The following CECR2 variants were observed in gnomAD, a reference collection of about 807,000 sequenced individuals.
CECR2 encodes the protein CECR2 histone acetyl-lysine reader, also known as chromatin remodeling regulator CECR2.
CECR2 carries 30 observed loss-of-function variants against 154.5 expected under a neutral mutation model. The ratio of observed to expected loss-of-function variants is 0.19; its 90% CI spans 0.15 to 0.26. The LOEUF (loss-of-function observed/expected upper bound fraction) is 0.26. Among genes scored for constraint, CECR2 ranks in the 10% least tolerant of loss-of-function variants. The probability of loss-of-function intolerance (pLI) is 1.00; values close to 1 mark genes in which losing one functional copy is unlikely to be tolerated. For synonymous variants in CECR2, 725 were observed against 683.7 expected (o/e 1.06, Z -0.94); for missense variants, 1,743 against 1,829.3 (o/e 0.95, Z 0.86).
intron 16 of CECR2, 79 bp downstream of exon 16, chr22:17,543,082 G>T: frequency 7.2e-7 from 1 of 1,395,572 alleles, no homozygotes; most frequent in Non-Finnish European, 9.7e-7. Context: ...CAAACCAAGT[G>T]TAATCTGGTT....
intron 1 of CECR2, among the ~76,000 whole-genome samples, chr22:17,434,378 C>A (rs367726106): frequency 2.0e-5 from 3 of 152,226 alleles, no homozygotes; most frequent in East Asian, 3.9e-4. Flanking sequence ...TGTTTGAGAA[C>A]CTTGGATTGT....
intron 9 of CECR2, among the ~76,000 whole-genome samples, chr22:17,530,456 G>C (rs1006259803): frequency 6.6e-6 from 1 of 151,840 alleles, no homozygotes; most frequent in African/African-American, 2.4e-5. Flanking sequence ...GGCAGATCAC[G>C]AGGTCAGGAG....
chr22:17,527,948 A>C (rs2056292595), intron 9 of CECR2, among the ~76,000 whole-genome samples: 1 of 152,338 alleles, frequency 6.6e-6, no homozygotes, highest in South Asian at 2.1e-4. Context: ...ATCCTCATAT[A>C]CTGTTGGTAG....
chr22:17,471,234 A>G (rs1411117137), intron 1 of CECR2, among the ~76,000 whole-genome samples: 1 of 152,208 alleles, frequency 6.6e-6, no homozygotes, highest in Non-Finnish European at 1.5e-5. Context: ...AATTGGGTCT[A>G]AGCGATGAAG....
In CECR2 at chr22:17,533,126, G is replaced by A. The variant is rs139066199; in HGVS notation, c.1109-3977G>A. On this transcript the variant is annotated intron_variant, in intron 9 of 18. Transcript: ENST00000262608. ...AGGTCAGAAGATCAAGACCATCCTG[G>A]CCAACTTGGTGAAACCCCGTCTCTA... Among the ~76,000 whole-genome samples the A allele has an allele frequency of 2.0e-3, 293 of 150,168 alleles. 3 individuals are homozygous for A. The highest frequency in any genetic ancestry group is 6.7e-3 in the African/African-American group (275 of 40,822).
chr22:17,477,823 A>AATTT (rs2055235669), intron 2 of CECR2, 141 bp downstream of exon 2: 1 of 636,022 alleles, frequency 1.6e-6, no homozygotes, highest in Non-Finnish European at 2.8e-6. Context: ...CGTACACGTA[A>AATTT]ATTTCCAGGC....
intron 1 of CECR2, among the ~76,000 whole-genome samples, chr22:17,469,609 TC>T (rs11349657): frequency 0.25 from 35,884 of 141,608 alleles, 5,005 homozygotes; most frequent in African/African-American, 0.37. Context: ...TTTTTTTTTT[TC>T]CAGTAAGAAT....
chr22:17,391,541 T>C (rs920801908), intron 1 of CECR2, among the ~76,000 whole-genome samples: 2 of 152,208 alleles, frequency 1.3e-5, no homozygotes, highest in Non-Finnish European at 2.9e-5. Flanking sequence ...TCCATAGGGC[T>C]GTGGTGAGGT....
intron 9 of CECR2, among the ~76,000 whole-genome samples, chr22:17,525,280 C>T (rs1196973659): frequency 4.0e-5 from 1 of 24,938 alleles, no homozygotes; most frequent in Non-Finnish European, 6.8e-5. Flanking sequence ...AGTGAAACTC[C>T]ATCTCCAAAA....
chr22:17,398,356 G>A (rs2053844848), intron 1 of CECR2, among the ~76,000 whole-genome samples: 2 of 152,116 alleles, frequency 1.3e-5, no homozygotes, highest in African/African-American at 2.4e-5. Flanking sequence ...AAAATTAAAT[G>A]AGGGTTGAGT....
intron 16 of CECR2, among the ~76,000 whole-genome samples, chr22:17,546,720 A>T (rs2056619730): frequency 1.3e-5 from 2 of 151,966 alleles, no homozygotes; most frequent in African/African-American, 4.8e-5. Context: ...ACACCTGGAC[A>T]ACTGTCCTCC....
chr22:17,557,578 C>T lies in CECR2; in HGVS notation c.*4738C>T, dbSNP rs2056788405. 6.8e-6 allele frequency: 1 copy of T among 146,846 alleles called. No homozygotes were observed. Among genetic ancestry groups the T allele is most frequent in the East Asian group, 2.0e-4 (1 of 4,976 alleles). The allele number at this position is 146,846 out of a possible 1,614,324, so 9.1% of individuals were successfully genotyped here. ...TGACCTTTTCCTACCTAGTTTCTCCCTCTTGTCCTGCACAAGAGGACTAAC... is the reference window on the plus strand; with the variant it reads ...TGACCTTTTCCTACCTAGTTTCTCCTTCTTGTCCTGCACAAGAGGACTAAC... On this transcript the variant is annotated 3_prime_UTR_variant, in exon 19 of 19. Transcript: ENST00000262608.
intron 2 of CECR2, among the ~76,000 whole-genome samples, chr22:17,482,850 T>C (rs2055351971): frequency 6.6e-6 from 1 of 151,926 alleles, no homozygotes; most frequent in South Asian, 2.1e-4. Flanking sequence ...CTTGCTACTT[T>C]TTTTGTATTT....
Position 17,393,184 on chromosome 22 carries a change from ACCTC to A in CECR2, c.126+23276_126+23279del, listed in dbSNP as rs548280306. Among the ~76,000 whole-genome samples, 223 of 152,146 alleles carry A rather than the reference ACCTC, an allele frequency of 1.5e-3. 1 individual carries two copies. Among genetic ancestry groups the A allele is most frequent in the Non-Finnish European group, 2.8e-3 (192 of 67,978 alleles). On this transcript the variant is annotated intron_variant, in intron 1 of 18. Coordinates refer to ENST00000262608, the MANE Select transcript of CECR2 (RefSeq NM_001290047.2). The stretch of plus-strand genomic sequence containing the variant: ...GCTCCCTGCCTCCCCAGCTCTCCCT[ACCTC>A]TTGTTTCCCCAGCCTAAGCAAATTA...
chr22:17,474,722 A>G (rs1479218419), intron 1 of CECR2, among the ~76,000 whole-genome samples: 1 of 152,248 alleles, frequency 6.6e-6, no homozygotes, highest in East Asian at 1.9e-4. Context: ...ACATAGTAAA[A>G]GTGATCCTCT....
intron 5 of CECR2, among the ~76,000 whole-genome samples, chr22:17,502,464 A>G (rs1054989190): frequency 1.3e-5 from 2 of 152,022 alleles, no homozygotes; most frequent in African/African-American, 4.8e-5. Flanking sequence ...ACAAACAAAC[A>G]AAAAAAACAG....
At chr22:17,441,944 C>T (rs1427359507) in intron 1 of CECR2, among the ~76,000 whole-genome samples, 1 of 152,176 alleles carries the variant, frequency 6.6e-6, no homozygotes, top group African/African-American at 2.4e-5. Flanking sequence ...TTTTGTCTCT[C>T]ACAAGGAAAG....
At chr22:17,441,603 A>AC (rs5844308) in intron 1 of CECR2, among the ~76,000 whole-genome samples, 45,677 of 151,580 alleles carry the variant, frequency 0.3, 9,547 homozygotes, top group African/African-American at 0.57. Flanking sequence ...TGTGGACCCC[A>AC]CCCCCCGTTA....
At chr22:17,532,528 T>A (rs903837675) in intron 9 of CECR2, among the ~76,000 whole-genome samples, 7 of 152,024 alleles carry the variant, frequency 4.6e-5, no homozygotes, top group South Asian at 2.1e-4. Flanking sequence ...ACACAAGGAT[T>A]TCCTCTATTG....
Sources: gnomAD v4.1 joint callset for allele counts (sites outside exome capture counted in the v4.1 genomes callset) on GRCh38, gnomAD v4.1.1 for gene constraint, MANE v1.5 for transcripts, NCBI Gene and HGNC (gene_info 2026-07-23, HGNC 2026-07-21) for gene names.